The following ANO2 variants were observed in gnomAD, a reference collection of about 807,000 sequenced individuals.
ANO2 encodes anoctamin-2.
Under a neutral mutation model 124.2 loss-of-function variants are expected in ANO2, and 101 were observed. That is an observed-to-expected ratio of 0.81 (90% CI 0.69 to 0.96). The LOEUF (loss-of-function observed/expected upper bound fraction) is 0.96, where lower values mean the gene tolerates loss of function less well. ANO2 is among the 40% of genes least tolerant of loss of function. The probability of loss-of-function intolerance (pLI) is 0.00; values close to 1 mark genes in which losing one functional copy is unlikely to be tolerated. For synonymous variants in ANO2, 486 were observed against 482.5 expected, an observed-to-expected ratio of 1.01 and a Z score of -0.09; for missense variants, 1,293 against 1,274.5, an observed-to-expected ratio of 1.01 and a Z score of -0.22.
At chr12:5,883,993 A>T (rs59112091) in intron 3 of ANO2, among the ~76,000 whole-genome samples, 2 of 152,286 alleles carry the variant, frequency 1.3e-5, no homozygotes, top group African/African-American at 4.8e-5. Context: ...AGATTGAAAA[A>T]ACCAAGTCAC....
intron 14 of ANO2, among the ~76,000 whole-genome samples, chr12:5,648,863 G>GCT (rs938265747): frequency 5.3e-5 from 8 of 152,148 alleles, no homozygotes; most frequent in African/African-American, 1.9e-4. Context: ...CAGGGCCCCT[G>GCT]CTCTCTCTCC....
chr12:5,694,284 AATAAAACAGACACAAATAGGGACAGAAG>A (rs1949075159), intron 14 of ANO2, among the ~76,000 whole-genome samples: 1 of 150,832 alleles, frequency 6.6e-6, no homozygotes, highest in African/African-American at 2.4e-5. Context: ...AGAGAGAGAG[AATAAAACAGACACAAATAGGGACAGAAG>A]GAGAAAGCTA....
At chr12:5,676,348 A>T (rs961570162) in intron 14 of ANO2, among the ~76,000 whole-genome samples, 1 of 152,192 alleles carries the variant, frequency 6.6e-6, no homozygotes, top group African/African-American at 2.4e-5. Flanking sequence ...GGGATGAACA[A>T]CAAAAAGATG....
chr12:5,822,097 G>C (rs917458828), intron 7 of ANO2, among the ~76,000 whole-genome samples: 5 of 152,174 alleles, frequency 3.3e-5, no homozygotes, highest in Non-Finnish European at 7.3e-5. Context: ...CATCCCTAAG[G>C]ACAGCAGTGA....
At position 5,789,499 on chromosome 12, in the gene ANO2, G is replaced by A. The variant is rs548246566; in HGVS notation, c.1055+10008C>T. ...GAGCCTACATCTCTGAGGGTTTCCC[G>A]AGTCCCTGCCGCAGGCTGAGTGACT... On this transcript the variant is annotated intron_variant, in intron 10 of 24. Coordinates refer to ENST00000682330, the MANE Select transcript of ANO2 (RefSeq NM_001364791.2). Among the ~76,000 whole-genome samples, 8 of 152,322 alleles carry A rather than the reference G, an allele frequency of 5.3e-5. No homozygotes were observed. In the East Asian group the frequency reaches 7.7e-4, roughly 15 times the overall value.
intron 13 of ANO2, among the ~76,000 whole-genome samples, chr12:5,738,910 A>G (rs1040147105): frequency 2.0e-5 from 3 of 152,148 alleles, no homozygotes; most frequent in Admixed American, 1.3e-4. Context: ...CAGACATCAA[A>G]GACAACCAGC....
At chr12:5,792,983 T>A (rs560777770) in intron 10 of ANO2, among the ~76,000 whole-genome samples, 2 of 152,130 alleles carry the variant, frequency 1.3e-5, no homozygotes, top group Non-Finnish European at 2.9e-5. Flanking sequence ...AGAAGGACAA[T>A]CACGATGATA....
chr12:5,844,524 T>C (rs1954620124), intron 4 of ANO2, among the ~76,000 whole-genome samples: 1 of 152,156 alleles, frequency 6.6e-6, no homozygotes, highest in Admixed American at 6.5e-5. Flanking sequence ...GAGGAAAAAA[T>C]ACATTCACAA....
chr12:5,574,288 G>A (rs1268214279), intron 23 of ANO2, among the ~76,000 whole-genome samples: 2 of 152,090 alleles, frequency 1.3e-5, no homozygotes, highest in Non-Finnish European at 2.9e-5. Context: ...GGTAAATAGT[G>A]GAGAGTTTTC....
chr12:5,724,440 GA>G (rs1433175253), intron 14 of ANO2, among the ~76,000 whole-genome samples: 6 of 152,288 alleles, frequency 3.9e-5, no homozygotes, highest in African/African-American at 1.4e-4. Context: ...CCCAGAGTAA[GA>G]GGCAAGAGGG....
rs530575375 is a variant in ANO2, at chr12:5,610,968, T to C, written c.2087+1688A>G. Among the ~76,000 whole-genome samples, 364 of 134,876 alleles carry C rather than the reference T, an allele frequency of 2.7e-3. 3 individuals carry two copies. Among genetic ancestry groups the C allele is most frequent in the Non-Finnish European group, 4.6e-3 (291 of 63,922 alleles). 88.5% of individuals were successfully genotyped at this position (134,876 alleles called of 152,430 possible). A position where few individuals can be genotyped will look rare whatever the true frequency, so the allele number is the denominator to read the frequency against. The stretch of plus-strand genomic sequence containing the variant: ...ACAGACACATCCTGGAACAAACTTC[T>C]CTGCTTTTTTTTTTTTTTTTTGAGA... On this transcript the variant is annotated intron_variant, in intron 19 of 24. Coordinates refer to ENST00000682330, the MANE Select transcript of ANO2 (RefSeq NM_001364791.2).
chr12:5,648,953 T>C (rs1946779861), intron 14 of ANO2, among the ~76,000 whole-genome samples: 1 of 152,222 alleles, frequency 6.6e-6, no homozygotes, highest in South Asian at 2.1e-4. Context: ...TGAAAGCTTG[T>C]ACTGTAAGTG....
intron 9 of ANO2, among the ~76,000 whole-genome samples, chr12:5,800,844 C>A (rs913691368): frequency 6.6e-6 from 1 of 152,024 alleles, no homozygotes; most frequent in Non-Finnish European, 1.5e-5. Context: ...GAAGAGGAGG[C>A]AATTTGTAAA....
chr12:5,761,374 A>G (rs2137107724), intron 10 of ANO2, among the ~76,000 whole-genome samples: 1 of 152,308 alleles, frequency 6.6e-6, no homozygotes, highest in East Asian at 1.9e-4. Context: ...CACATCCCCC[A>G]TAAGATTACT....
At chr12:5,805,829 T>C (rs1446686682) in intron 9 of ANO2, among the ~76,000 whole-genome samples, 1 of 152,168 alleles carries the variant, frequency 6.6e-6, no homozygotes, top group Non-Finnish European at 1.5e-5. Flanking sequence ...GGCCATTGGA[T>C]ATATTTCAGA....
At chr12:5,839,675 C>G (rs1954449776) in intron 4 of ANO2, 2 of 455,074 alleles carry the variant, frequency 4.4e-6, no homozygotes, top group Non-Finnish European at 4.4e-6. Flanking sequence ...GATAACAAAC[C>G]CTTCCATGTA....
chr12:5,601,876 G>T (rs1236478851), intron 19 of ANO2, among the ~76,000 whole-genome samples: 1 of 152,194 alleles, frequency 6.6e-6, no homozygotes, highest in African/African-American at 2.4e-5. Flanking sequence ...CTGTGTGACT[G>T]GTATCAACTG....
intron 16 of ANO2, among the ~76,000 whole-genome samples, chr12:5,627,195 GACA>G (rs1366419300): frequency 6.6e-6 from 1 of 152,154 alleles, no homozygotes; most frequent in African/African-American, 2.4e-5. Flanking sequence ...CTGTTTCCCA[GACA>G]ACATTTAGAA....
chr12:5,697,740 C>T (rs930514725), intron 14 of ANO2, among the ~76,000 whole-genome samples: 1 of 152,326 alleles, frequency 6.6e-6, no homozygotes, highest in East Asian at 1.9e-4. Context: ...CCTGGAAAAT[C>T]GGGTCACTCT....
Sources: gnomAD v4.1 joint callset for allele counts (sites outside exome capture counted in the v4.1 genomes callset) on GRCh38, gnomAD v4.1.1 for gene constraint, MANE v1.5 for transcripts, NCBI Gene and HGNC (gene_info 2026-07-23, HGNC 2026-07-21) for gene names.